DNAH7: variants seen among roughly 807,000 people sequenced by gnomAD.
DNAH7 encodes axonemal beta dynein heavy chain 7.
A neutral mutation model predicts 444.6 loss-of-function variants in DNAH7; 397 were observed. The ratio of observed to expected loss-of-function variants is 0.89; its 90% CI spans 0.82 to 0.97. DNAH7 has a LOEUF of 0.97. Among genes scored for constraint, DNAH7 ranks in the 50% least tolerant of loss-of-function variants. The probability of loss-of-function intolerance (pLI) is 0.00; values close to 1 mark genes in which losing one functional copy is unlikely to be tolerated. For synonymous variants in DNAH7, 1,636 were observed against 1,624.4 expected (o/e 1.01, Z -0.17); for missense variants, 4,902 against 4,800.8 (o/e 1.02, Z -0.62).
rs868046995 is a variant in DNAH7, at chr2:195,740,631, A to G, written c.11868+135T>C. 138 of 104,712 alleles carry G rather than the reference A, an allele frequency of 1.3e-3. 1 individual carries two copies. The highest frequency in any genetic ancestry group is 5.5e-3 in the African/African-American group (109 of 19,828). 6.5% of individuals were successfully genotyped at this position (104,712 alleles called of 1,614,324 possible). Reference sequence around the variant, plus strand: ...TGTGTGTGTGTATATATATATATATATATATATATATATACATATACACAC... The same window carrying G: ...TGTGTGTGTGTATATATATATATATGTATATATATATATACATATACACAC... On this transcript the variant is annotated intron_variant, in intron 64 of 64. Coordinates refer to ENST00000312428, the MANE Select transcript of DNAH7 (RefSeq NM_018897.3).
chr2:196,027,627 C>A (rs964410366), intron 6 of DNAH7, among the ~76,000 whole-genome samples: 1 of 151,814 alleles, frequency 6.6e-6, no homozygotes, highest in Non-Finnish European at 1.5e-5. Context: ...TCCTAAAGTA[C>A]GTTAATATGC....
rs1347089106 is a variant in DNAH7 at position 195,796,716 on chromosome 2, T to G, written c.10375A>C (p.Ser3459Arg). The change falls in exon 56 of 65, where the codon AGC becomes CGC. Residue 3459 changes from serine to arginine, a missense_variant. Physicochemically the swap from Ser to Arg is moderately radical, Grantham distance 110. Coordinates refer to ENST00000312428, the MANE Select transcript of DNAH7 (RefSeq NM_018897.3). ...TGGCCTTGACCAAGAGATAAAGAGC[T>G]AAGTTTTGATCCCCCATATCCCTGT... ...DDQGYGGSKL[S>R]SLSLGQGQGP... 1 of 1,614,138 alleles carries G rather than the reference T, an allele frequency of 6.2e-7. No homozygotes were observed. Among genetic ancestry groups the G allele is most frequent in the Admixed American group, 1.7e-5 (1 of 60,026 alleles).
intron 13 of DNAH7, 113 bp from the exon 14 acceptor site, chr2:195,987,306 T>C (rs1248112136): frequency 2.8e-6 from 2 of 708,218 alleles, no homozygotes; most frequent in South Asian, 5.9e-5. Flanking sequence ...AAGATTGAGA[T>C]TTTTAAAAAT....
chr2:195,810,383 G>A (rs1228944891), intron 51 of DNAH7, among the ~76,000 whole-genome samples: 1 of 151,962 alleles, frequency 6.6e-6, no homozygotes, highest in African/African-American at 2.4e-5. Context: ...ACGAAAATAG[G>A]AATAATCACA....
intron 40 of DNAH7, among the ~76,000 whole-genome samples, chr2:195,866,401 T>C (rs891100332): frequency 6.6e-6 from 1 of 152,220 alleles, no homozygotes; most frequent in Non-Finnish European, 1.5e-5. Context: ...TAAACTTCCT[T>C]CTTATTCCAA....
At chr2:195,993,881 G>A (rs1693515975) in intron 12 of DNAH7, among the ~76,000 whole-genome samples, 1 of 152,114 alleles carries the variant, frequency 6.6e-6, no homozygotes, top group Non-Finnish European at 1.5e-5. Flanking sequence ...GGGTCAGGTG[G>A]CCAGACCCCA....
chr2:195,910,839 A>G (rs341956), intron 24 of DNAH7, among the ~76,000 whole-genome samples: 12 of 152,316 alleles, frequency 7.9e-5, no homozygotes, highest in African/African-American at 2.6e-4. Context: ...TGGAAGAGAC[A>G]AAGAAGCCTA....
At chr2:196,035,890 T>G (rs1559356782) in intron 5 of DNAH7, among the ~76,000 whole-genome samples, 1 of 152,130 alleles carries the variant, frequency 6.6e-6, no homozygotes, top group Admixed American at 6.5e-5. Context: ...ACAACTGCAT[T>G]GTTCCAGAGA....
At chr2:195,791,662 T>C (rs1370973388) in intron 57 of DNAH7, among the ~76,000 whole-genome samples, 2 of 152,150 alleles carry the variant, frequency 1.3e-5, no homozygotes, top group Non-Finnish European at 2.9e-5. Context: ...TTAGTGTACA[T>C]CAATGATGGA....
At chr2:195,817,926 T>TTA in intron 49 of DNAH7, 97 bp from the exon 50 acceptor site, 1 of 863,330 alleles carries the variant, frequency 1.2e-6, no homozygotes, top group Non-Finnish European at 1.7e-6. Context: ...AGACTCTATT[T>TTA]ACTATATATG....
intron 15 of DNAH7, among the ~76,000 whole-genome samples, chr2:195,980,319 GT>G (rs967260670): frequency 6.6e-6 from 1 of 152,108 alleles, no homozygotes; most frequent in Non-Finnish European, 1.5e-5. Flanking sequence ...CTGCTGCCAT[GT>G]GAAGAAGGAC....
At chr2:195,832,289 A>C (rs1698113892) in intron 48 of DNAH7, among the ~76,000 whole-genome samples, 1 of 152,166 alleles carries the variant, frequency 6.6e-6, no homozygotes. Context: ...GACTGACATC[A>C]CAGAAATCTC....
intron 45 of DNAH7, among the ~76,000 whole-genome samples, chr2:195,853,907 C>T (rs1699545123): frequency 6.6e-6 from 1 of 152,100 alleles, no homozygotes; most frequent in Non-Finnish European, 1.5e-5. Context: ...ACATTTTCCC[C>T]TCATTTAACT....
chr2:195,772,198 T>C (rs1051116741), intron 60 of DNAH7, among the ~76,000 whole-genome samples: 7 of 152,154 alleles, frequency 4.6e-5, no homozygotes, highest in South Asian at 2.1e-4. Context: ...ATGCTGCAGA[T>C]AGTGGAAGAA....
At chr2:196,056,687 C>T (rs1428142501) in intron 2 of DNAH7, among the ~76,000 whole-genome samples, 1 of 152,120 alleles carries the variant, frequency 6.6e-6, no homozygotes, top group African/African-American at 2.4e-5. Flanking sequence ...ATACCAGTTG[C>T]CTACTGTGCT....
At chr2:196,012,375 C>CTT (rs1694773866) in intron 10 of DNAH7, among the ~76,000 whole-genome samples, 1 of 152,072 alleles carries the variant, frequency 6.6e-6, no homozygotes, top group Non-Finnish European at 1.5e-5. Flanking sequence ...AAACGATATA[C>CTT]TTTCCCCACT....
chr2:195,927,525 A>T (rs1873214), intron 21 of DNAH7, among the ~76,000 whole-genome samples: 51,783 of 148,308 alleles, frequency 0.35, 9,373 homozygotes, highest in East Asian at 0.59. Context: ...ATAAATAAAT[A>T]AATTAATTAA....
chr2:195,740,603 GTGTGTGTGTGTGTA>G (rs1457209313), intron 64 of DNAH7, among the ~76,000 whole-genome samples, 149 bp downstream of exon 64: 5 of 52,004 alleles, frequency 9.6e-5, no homozygotes, highest in East Asian at 8.9e-4. Flanking sequence ...GTGTGTGTGT[GTGTGTGTGTGTGTA>G]TATATATATA....
chr2:195,883,906 A>C (rs1701565346), intron 35 of DNAH7, among the ~76,000 whole-genome samples: 1 of 152,174 alleles, frequency 6.6e-6, no homozygotes, highest in Non-Finnish European at 1.5e-5. Flanking sequence ...AAAACAACAA[A>C]AACAGTCCAA....
Sources: gnomAD v4.1 joint callset for allele counts (sites outside exome capture counted in the v4.1 genomes callset) on GRCh38, gnomAD v4.1.1 for gene constraint, MANE v1.5 for transcripts, NCBI Gene and HGNC (gene_info 2026-07-23, HGNC 2026-07-21) for gene names.